The following LINGO2 variants were observed in gnomAD, a reference collection of about 807,000 sequenced individuals.
LINGO2 encodes leucine-rich repeat and immunoglobulin-like domain-containing nogo receptor-interacting protein 2.
A neutral mutation model predicts 30.6 loss-of-function variants in LINGO2; 14 were observed. The ratio of observed to expected loss-of-function variants is 0.46; its 90% CI spans 0.30 to 0.72. LINGO2 has a LOEUF of 0.72. Among genes scored for constraint, LINGO2 ranks in the 30% least tolerant of loss-of-function variants. The probability of loss-of-function intolerance (pLI) is 0.07; values close to 1 mark genes in which losing one functional copy is unlikely to be tolerated. For missense variants in LINGO2, 729 were observed against 751.7 expected (o/e 0.97, Z 0.35); for synonymous variants, 317 against 288.5 (o/e 1.10, Z -1.00).
chr9:28,641,743 T>C (rs1827594397), intron 1 of LINGO2, among the ~76,000 whole-genome samples: 1 of 152,168 alleles, frequency 6.6e-6, no homozygotes, highest in Non-Finnish European at 1.5e-5. Context: ...ATCAGGGTTA[T>C]GGGCAAGACA....
intron 3 of LINGO2, 89 bp from the exon 6 acceptor site, chr9:28,295,455 G>T (rs62555377): frequency 0.15 from 22,343 of 152,476 alleles, 2,231 homozygotes; most frequent in Non-Finnish European, 0.22. Context: ...AATCAATAAG[G>T]GAATCATAAA....
chr9:28,531,999 G>C (rs1396888618), intron 1 of LINGO2, among the ~76,000 whole-genome samples: 2 of 152,114 alleles, frequency 1.3e-5, no homozygotes, highest in African/African-American at 4.8e-5. Flanking sequence ...ACTGTTATGG[G>C]AGCATTTTAC....
chr9:28,309,003 C>A (rs1477481509), intron 3 of LINGO2, among the ~76,000 whole-genome samples: 8 of 152,044 alleles, frequency 5.3e-5, no homozygotes, highest in Non-Finnish European at 5.9e-5. Context: ...ACTAGTTCAA[C>A]CATTGTGGAA....
At chr9:28,264,551 CA>C (rs1431019204) in intron 4 of LINGO2, among the ~76,000 whole-genome samples, 1 of 151,860 alleles carries the variant, frequency 6.6e-6, no homozygotes, top group Non-Finnish European at 1.5e-5. Context: ...CCCATGTTTG[CA>C]TGTCATCGGT....
intron 4 of LINGO2, among the ~76,000 whole-genome samples, chr9:28,056,620 C>A (rs1470845802): frequency 6.6e-6 from 1 of 152,090 alleles, no homozygotes; most frequent in Admixed American, 6.6e-5. Flanking sequence ...CAGGACCTAG[C>A]AAGAAAACCA....
intron 2 of LINGO2, among the ~76,000 whole-genome samples, chr9:28,383,458 T>G (rs1587585075): frequency 6.6e-6 from 1 of 151,978 alleles, no homozygotes; most frequent in Non-Finnish European, 1.5e-5. Context: ...AAGGCCAACA[T>G]GCTGAAGGCA....
At chr9:28,124,213 T>G (rs1827177059) in intron 4 of LINGO2, among the ~76,000 whole-genome samples, 2 of 152,212 alleles carry the variant, frequency 1.3e-5, no homozygotes, top group Admixed American at 1.3e-4. Flanking sequence ...GCTCACAGTT[T>G]AGAGTTTGAA....
At chr9:28,309,522 T>C (rs4554565) in intron 3 of LINGO2, among the ~76,000 whole-genome samples, 10 of 151,760 alleles carry the variant, frequency 6.6e-5, no homozygotes, top group South Asian at 2.1e-4. Flanking sequence ...GCATGGCACA[T>C]GTATACATAT....
intron 5 of LINGO2, among the ~76,000 whole-genome samples, chr9:27,970,926 C>T (rs950500037): frequency 6.6e-6 from 1 of 150,514 alleles, no homozygotes; most frequent in East Asian, 1.9e-4. Flanking sequence ...ATGGTGATAA[C>T]TGTGTTAATC....
chr9:28,353,831 T>C (rs1206259139), intron 3 of LINGO2, among the ~76,000 whole-genome samples: 1 of 151,872 alleles, frequency 6.6e-6, no homozygotes, highest in Non-Finnish European at 1.5e-5. Context: ...CCATAAAAAA[T>C]GATGAGTTCA....
the LINGO2 span, among the ~76,000 whole-genome samples, chr9:28,913,477 T>C: frequency 6.6e-6 from 1 of 152,112 alleles, no homozygotes; most frequent in Non-Finnish European, 1.5e-5. Context: ...TATAATACTT[T>C]ACGTTATACA....
the LINGO2 span, among the ~76,000 whole-genome samples, chr9:28,889,301 G>C: frequency 6.6e-6 from 1 of 152,004 alleles, no homozygotes. Flanking sequence ...GAGAGGCAGT[G>C]GTATTTAAAT....
chr9:28,524,596 C>T (rs1156388723), intron 1 of LINGO2, among the ~76,000 whole-genome samples: 1 of 151,730 alleles, frequency 6.6e-6, no homozygotes, highest in Non-Finnish European at 1.5e-5. Context: ...CTACTAAAAC[C>T]CAAAAAATTA....
the LINGO2 span, among the ~76,000 whole-genome samples, chr9:29,077,689 T>C: frequency 2.0e-5 from 3 of 151,976 alleles, no homozygotes; most frequent in East Asian, 1.9e-4. Flanking sequence ...GTAAAGACCA[T>C]GAAATAATTT....
At chr9:27,976,862 T>C (rs1437077106) in intron 5 of LINGO2, among the ~76,000 whole-genome samples, 1 of 152,122 alleles carries the variant, frequency 6.6e-6, no homozygotes, top group Non-Finnish European at 1.5e-5. Flanking sequence ...AAAGAATAAT[T>C]TGTGTGATAA....
At chr9:28,395,283 C>T (rs1744170349) in intron 2 of LINGO2, among the ~76,000 whole-genome samples, 2 of 150,624 alleles carry the variant, frequency 1.3e-5, no homozygotes, top group African/African-American at 2.5e-5. Context: ...TAACTCAAGT[C>T]GAAAAAAAAT....
chr9:28,948,312 A>G, the LINGO2 span, among the ~76,000 whole-genome samples: 2 of 152,136 alleles, frequency 1.3e-5, no homozygotes, highest in Non-Finnish European at 2.9e-5. Flanking sequence ...AGTTGAATGA[A>G]TAAAAACCAT....
chr9:28,401,357 A>G (rs572828872), intron 2 of LINGO2, among the ~76,000 whole-genome samples: 3 of 151,602 alleles, frequency 2.0e-5, no homozygotes, highest in Admixed American at 1.3e-4. Flanking sequence ...TCAATGTTCA[A>G]CTCCCACTTA....
the LINGO2 span, among the ~76,000 whole-genome samples, chr9:28,891,935 T>A: frequency 5.0e-5 from 7 of 139,332 alleles, no homozygotes; most frequent in South Asian, 2.3e-4. Context: ...ACTTTTTTTA[T>A]AAACACTCTA....
Sources: allele counts gnomAD v4.1 joint callset (sites outside exome capture counted in the v4.1 genomes callset), GRCh38; gene constraint gnomAD v4.1.1; transcripts MANE v1.5; gene names NCBI Gene and HGNC (gene_info 2026-07-23, HGNC 2026-07-21).